The following SLC71A1 variants were observed in gnomAD, a reference collection of about 807,000 sequenced individuals.
The protein encoded by SLC71A1 is solute carrier family 71 member 1, also known as hippocampus abundant gene transcript 1.
chr1:100,038,886 G>A, the SLC71A1 span, among the ~76,000 whole-genome samples: 1 of 152,222 alleles, frequency 6.6e-6, no homozygotes, highest in Non-Finnish European at 1.5e-5. Flanking sequence ...ACCGGAGATG[G>A]GCTTCCCTCA....
At chr1:100,069,556 T>G in the SLC71A1 span, 1 of 1,067,576 alleles carries the variant, frequency 9.4e-7, no homozygotes, top group Non-Finnish European at 1.4e-6. Flanking sequence ...CTGCAGTGGT[T>G]TTCTATCTGG....
the SLC71A1 span, chr1:100,067,872 T>G: frequency 2.4e-6 from 2 of 836,854 alleles, no homozygotes; most frequent in South Asian, 3.1e-5. Context: ...AAAGGGAGGG[T>G]GTGCAACAGA....
chr1:100,046,614 C>A, the SLC71A1 span, among the ~76,000 whole-genome samples: 60 of 152,124 alleles, frequency 3.9e-4, no homozygotes, highest in Admixed American at 3.7e-3. Flanking sequence ...AGAAAAAATT[C>A]TGTGAGGAAT....
the SLC71A1 span, among the ~76,000 whole-genome samples, chr1:100,052,236 T>C: frequency 6.6e-6 from 1 of 152,190 alleles, no homozygotes; most frequent in Non-Finnish European, 1.5e-5. Context: ...TTCAAGTGTG[T>C]ATAGCTATTT....
At chr1:100,043,784 A>G in the SLC71A1 span, among the ~76,000 whole-genome samples, 36 of 152,180 alleles carry the variant, frequency 2.4e-4, no homozygotes, top group Admixed American at 4.6e-4. Context: ...CTGAACTCTC[A>G]CTTGTAAGTG....
the SLC71A1 span, among the ~76,000 whole-genome samples, chr1:100,040,412 T>C: frequency 3.3e-5 from 5 of 152,204 alleles, no homozygotes; most frequent in African/African-American, 1.2e-4. Flanking sequence ...TGGTAGTTGC[T>C]TATCTACCTC....
the SLC71A1 span, among the ~76,000 whole-genome samples, chr1:100,070,937 T>C: frequency 5.9e-5 from 9 of 152,244 alleles, no homozygotes; most frequent in South Asian, 1.9e-3. Context: ...TTGGTGAGTT[T>C]AGCAACAAAT....
chr1:100,038,146 C>A, the SLC71A1 span: 4 of 1,219,586 alleles, frequency 3.3e-6, no homozygotes, highest in Non-Finnish European at 4.7e-6. Context: ...GCGGCTCGGC[C>A]CGGCAGTAGT....
At chr1:100,063,297 A>C in the SLC71A1 span, among the ~76,000 whole-genome samples, 1 of 127,044 alleles carries the variant, frequency 7.9e-6, no homozygotes, top group Admixed American at 7.2e-5. Flanking sequence ...AAACAAAACA[A>C]AACAAAAAAC....
At chr1:100,066,824 C>T in the SLC71A1 span, among the ~76,000 whole-genome samples, 1 of 151,778 alleles carries the variant, frequency 6.6e-6, no homozygotes, top group Non-Finnish European at 1.5e-5. Context: ...CCCATCTCTA[C>T]TAAAAATACA....
At chr1:100,069,522 C>T in the SLC71A1 span, 1 of 728,512 alleles carries the variant, frequency 1.4e-6, no homozygotes, top group Non-Finnish European at 2.4e-6. Flanking sequence ...TTTTCTGGCC[C>T]ATTAAATGTT....
At chr1:100,062,498 AG>A in the SLC71A1 span, among the ~76,000 whole-genome samples, 269 of 152,238 alleles carry the variant, frequency 1.8e-3, 1 homozygote, top group Non-Finnish European at 1.8e-3. Flanking sequence ...AAATTATGGC[AG>A]TATAATGTGT....
the SLC71A1 span, chr1:100,057,895 C>G: frequency 2.6e-5 from 4 of 152,302 alleles, no homozygotes; most frequent in African/African-American, 9.6e-5. Context: ...ATAATAGAAG[C>G]ATTAGTTTCT....
chr1:100,066,921 G>A, the SLC71A1 span, among the ~76,000 whole-genome samples: 12 of 150,222 alleles, frequency 8.0e-5, no homozygotes, highest in East Asian at 4.0e-4. Context: ...CCCCGGGGGC[G>A]GAGCCTGCAG....
chr1:100,047,526 G>A, the SLC71A1 span, among the ~76,000 whole-genome samples: 5 of 152,196 alleles, frequency 3.3e-5, no homozygotes, highest in South Asian at 2.1e-4. Flanking sequence ...GCGTTCAAGC[G>A]ATTCTCCTGC....
At chr1:100,051,098 C>CAA in the SLC71A1 span, among the ~76,000 whole-genome samples, 5 of 127,272 alleles carry the variant, frequency 3.9e-5, no homozygotes, top group Non-Finnish European at 6.9e-5. Context: ...AAAAAAAAAA[C>CAA]AAAAAAAAAA....
chr1:100,068,126 G>C, the SLC71A1 span: 18 of 1,614,058 alleles, frequency 1.1e-5, no homozygotes, highest in Non-Finnish European at 1.5e-5. Flanking sequence ...TGCCAGAGTC[G>C]TTGCCTGAGA....
chr1:100,052,930 C>T, the SLC71A1 span, among the ~76,000 whole-genome samples: 2 of 152,010 alleles, frequency 1.3e-5, no homozygotes. Flanking sequence ...ACTATAGGCA[C>T]GTGCCAACAT....
the SLC71A1 span, among the ~76,000 whole-genome samples, chr1:100,072,178 G>A: frequency 6.6e-6 from 1 of 152,180 alleles, no homozygotes; most frequent in Non-Finnish European, 1.5e-5. Context: ...ATATACAATT[G>A]AGAATGACTT....
Sources: gnomAD v4.1 joint callset for allele counts (sites outside exome capture counted in the v4.1 genomes callset) on GRCh38, gnomAD v4.1.1 for gene constraint, MANE v1.5 for transcripts, NCBI Gene and HGNC (gene_info 2026-07-23, HGNC 2026-07-21) for gene names.